KSR2: variants seen among roughly 807,000 people sequenced by gnomAD.
KSR2 encodes the protein kinase suppressor of ras 2.
Under a neutral mutation model 107.8 loss-of-function variants are expected in KSR2, and 25 were observed. The ratio of observed to expected loss-of-function variants is 0.23; its 90% CI spans 0.17 to 0.32. The LOEUF is 0.32. Among genes scored for constraint, KSR2 ranks in the 10% least tolerant of loss-of-function variants. KSR2 has a pLI of 1.00. For missense variants in KSR2, 887 were observed against 1,268.9 expected (o/e 0.70, Z 4.57); for synonymous variants, 480 against 507.0 (o/e 0.95, Z 0.71).
intron 3 of KSR2, among the ~76,000 whole-genome samples, chr12:117,792,999 A>G (rs887637492): frequency 6.1e-5 from 9 of 147,818 alleles, no homozygotes; most frequent in South Asian, 4.4e-4. Context: ...ACATGCACGC[A>G]CACACACCAA....
At chr12:117,765,386 T>A (rs1225171608) in intron 3 of KSR2, among the ~76,000 whole-genome samples, 1 of 152,138 alleles carries the variant, frequency 6.6e-6, no homozygotes, top group Admixed American at 6.5e-5. Context: ...AAGAACCCAA[T>A]AGAATTCTGG....
Position 117,949,315 on chromosome 12 carries a change from A to AG in KSR2, c.180+18760_180+18761insC, listed in dbSNP as rs201228425. ...AACAGTACTGTTAAGAGGAAAAAAAAAAAGAAAATCTTCGGAATGGGAGAA... is the reference window on the plus strand; with the variant it reads ...AACAGTACTGTTAAGAGGAAAAAAAAGAAAGAAAATCTTCGGAATGGGAGAA... On this transcript the variant is annotated intron_variant, in intron 1 of 19. Coordinates refer to ENST00000339824, the MANE Select transcript of KSR2 (RefSeq NM_173598.6). Among the ~76,000 whole-genome samples, 878 of 152,090 alleles carry AG rather than the reference A, an allele frequency of 5.8e-3. 8 individuals carry two copies. The highest frequency in any genetic ancestry group is 0.02 in the African/African-American group (837 of 41,510).
chr12:117,843,469 C>T (rs1175352282), intron 3 of KSR2, among the ~76,000 whole-genome samples: 1 of 152,186 alleles, frequency 6.6e-6, no homozygotes, highest in African/African-American at 2.4e-5. Context: ...TACACTGGCA[C>T]CCATGCTTCC....
Position 117,968,299 on chromosome 12 carries a change from G to C in KSR2, c.-44C>G. The C allele has an allele frequency of 6.0e-6, 2 of 333,936 alleles. No individual in the cohort carries two copies. Among genetic ancestry groups the C allele is most frequent in the Non-Finnish European group, 8.5e-6 (2 of 234,096 alleles). 20.7% of individuals were successfully genotyped at this position (333,936 alleles called of 1,614,324 possible). ...CTTCCCCTCCTCCTCCTCCCAGAGA[G>C]AAAAAAGAGGGGGGGGAGTAGAGGT... On this transcript the variant is annotated 5_prime_UTR_variant, in exon 1 of 20. Transcript: ENST00000339824.
intron 3 of KSR2, among the ~76,000 whole-genome samples, chr12:117,815,924 A>C (rs1310501029): frequency 6.6e-6 from 1 of 151,612 alleles, no homozygotes. Context: ...GCAGTGAGCC[A>C]AGATGGTGCC....
At chr12:117,493,200 T>C (rs577625162) in intron 14 of KSR2, among the ~76,000 whole-genome samples, 1 of 152,280 alleles carries the variant, frequency 6.6e-6, no homozygotes, top group South Asian at 2.1e-4. Flanking sequence ...TTATTGCTAA[T>C]AATATTCTTC....
intron 4 of KSR2, chr12:117,674,283 C>A: frequency 2.0e-6 from 1 of 509,152 alleles, no homozygotes; most frequent in East Asian, 5.5e-5. Context: ...TTCTTCTCAC[C>A]TGGGCTGCCG....
At position 117,539,648 on chromosome 12, in the gene KSR2, G is replaced by T. The variant is rs1263450910; in HGVS notation, c.1687+71C>A. 19 of 1,421,782 alleles carry T rather than the reference G, an allele frequency of 1.3e-5. No homozygotes were observed. The African/African-American group carries it at 2.7e-4, about 20-fold the overall frequency. The allele number at this position is 1,421,782 out of a possible 1,614,324, so 88.1% of individuals were successfully genotyped here. On this transcript the variant is annotated intron_variant, in intron 10 of 19. Transcript: ENST00000339824. ...ACTTGCTGCATCAGGGCTCTGGCATGAACCCACCCCCTCCCTAATCTCTGC... is the reference window on the plus strand; with the variant it reads ...ACTTGCTGCATCAGGGCTCTGGCATTAACCCACCCCCTCCCTAATCTCTGC...
At chr12:117,538,460 G>C (rs1397357146) in intron 10 of KSR2, among the ~76,000 whole-genome samples, 1 of 152,186 alleles carries the variant, frequency 6.6e-6, no homozygotes, top group Non-Finnish European at 1.5e-5. Flanking sequence ...GCCCAGGTGT[G>C]GGGTGGGGCC....
chr12:117,545,776 A>G (rs1876820587), intron 9 of KSR2, among the ~76,000 whole-genome samples: 1 of 152,066 alleles, frequency 6.6e-6, no homozygotes, highest in Non-Finnish European at 1.5e-5. Flanking sequence ...ACATAGCTAG[A>G]GTATTTTTGA....
intron 5 of KSR2, among the ~76,000 whole-genome samples, chr12:117,586,797 T>C (rs1746915432): frequency 6.6e-6 from 1 of 152,072 alleles, no homozygotes; most frequent in Admixed American, 6.5e-5. Context: ...GCCATGATCA[T>C]TAGTGCCATT....
At chr12:117,774,434 C>G (rs1048624500) in intron 3 of KSR2, among the ~76,000 whole-genome samples, 1 of 152,146 alleles carries the variant, frequency 6.6e-6, no homozygotes, top group Non-Finnish European at 1.5e-5. Flanking sequence ...TAGCCCCGCC[C>G]CAGGATGTCC....
chr12:117,844,568 T>C (rs1892629213), intron 3 of KSR2, among the ~76,000 whole-genome samples: 1 of 152,038 alleles, frequency 6.6e-6, no homozygotes, highest in Admixed American at 6.6e-5. Context: ...CTGGAGATTG[T>C]GCACAAGTTT....
chr12:117,528,541 T>G (rs1000285076), intron 12 of KSR2, among the ~76,000 whole-genome samples: 1 of 150,786 alleles, frequency 6.6e-6, no homozygotes, highest in African/African-American at 2.4e-5. Flanking sequence ...CTGGAGGGGG[T>G]CCTGGTGAAA....
At position 117,465,316 on chromosome 12, in the gene KSR2, C is replaced by A. The variant is rs760264926; in HGVS notation, c.*1883G>T. 6.6e-6 allele frequency: 1 copy of A among 152,206 alleles called. No individual in the cohort carries two copies. Among genetic ancestry groups the A allele is most frequent in the Non-Finnish European group, 1.5e-5 (1 of 68,076 alleles). 9.4% of individuals were successfully genotyped at this position (152,206 alleles called of 1,614,324 possible). ...AAATGCCTCCAAGACACACACACGT[C>A]GTCAAGCCAAGAGCCATAGATGTCC... On this transcript the variant is annotated 3_prime_UTR_variant, in exon 20 of 20. Coordinates refer to ENST00000339824, the MANE Select transcript of KSR2 (RefSeq NM_173598.6).
Position 117,593,404 on chromosome 12 carries a change from G to GAGAC in KSR2, c.1172-11049_1172-11046dup, listed in dbSNP as rs1880439618. Among the ~76,000 whole-genome samples the GAGAC allele has an allele frequency of 3.9e-5, 6 of 152,336 alleles. No individual in the cohort carries two copies. The South Asian group carries it at 1.2e-3, about 32-fold the overall frequency. On this transcript the variant is annotated intron_variant, in intron 5 of 19. Transcript: ENST00000339824. ...ATAGGTGCAGGGCAGGGGGAGATGG[G>GAGAC]AGACACGCAGACCACAGCCTGGAAT...
intron 5 of KSR2, among the ~76,000 whole-genome samples, chr12:117,646,020 ATTAATAAC>A (rs1883619126): frequency 6.6e-6 from 1 of 152,062 alleles, no homozygotes; most frequent in Non-Finnish European, 1.5e-5. Flanking sequence ...GTCTTCATAT[ATTAATAAC>A]TTACACAAAG....
At chr12:117,516,062 TC>T (rs1412460694) in intron 14 of KSR2, among the ~76,000 whole-genome samples, 1 of 152,152 alleles carries the variant, frequency 6.6e-6, no homozygotes, top group Non-Finnish European at 1.5e-5. Context: ...TTCTTCTTGG[TC>T]CCCTTGCAGA....
At chr12:117,737,764 G>A (rs1887998372) in intron 4 of KSR2, among the ~76,000 whole-genome samples, 1 of 129,968 alleles carries the variant, frequency 7.7e-6, no homozygotes, top group Admixed American at 8.8e-5. Context: ...GCCTGGGTGA[G>A]AGAGCAAAAT....
Sources: gnomAD v4.1 joint callset for allele counts (sites outside exome capture counted in the v4.1 genomes callset) on GRCh38, gnomAD v4.1.1 for gene constraint, MANE v1.5 for transcripts, NCBI Gene and HGNC (gene_info 2026-07-23, HGNC 2026-07-21) for gene names.